SMAD2: variants seen among roughly 807,000 people sequenced by gnomAD.
SMAD2 encodes MAD homolog 2.
In SMAD2, 8 loss-of-function variants were observed where a neutral mutation model predicts 64.4. The ratio of observed to expected loss-of-function variants is 0.12; its 90% CI spans 0.07 to 0.22. The LOEUF (loss-of-function observed/expected upper bound fraction) is 0.22. Among genes scored for constraint, SMAD2 ranks in the 10% least tolerant of loss-of-function variants. The probability of loss-of-function intolerance (pLI) is 1.00; values close to 1 mark genes in which losing one functional copy is unlikely to be tolerated. For missense variants in SMAD2, 289 were observed against 561.2 expected, an observed-to-expected ratio of 0.51 and a Z score of 4.90; for synonymous variants, 203 against 195.8, an observed-to-expected ratio of 1.04 and a Z score of -0.31.
intron 6 of SMAD2, among the ~76,000 whole-genome samples, chr18:47,856,135 T>C (rs2030656443): frequency 9.2e-6 from 1 of 109,268 alleles, no homozygotes; most frequent in African/African-American, 3.2e-5. Context: ...TAATCTCATA[T>C]GTGGGGTTTT....
intron 1 of SMAD2, among the ~76,000 whole-genome samples, chr18:47,924,796 T>G (rs972451029): frequency 3.3e-5 from 5 of 152,204 alleles, no homozygotes; most frequent in African/African-American, 7.2e-5. Flanking sequence ...AAAGACGTGA[T>G]GAGGATGGAA....
At chr18:47,867,797 C>G (rs2031672393) in intron 5 of SMAD2, among the ~76,000 whole-genome samples, 1 of 152,048 alleles carries the variant, frequency 6.6e-6, no homozygotes, top group Admixed American at 6.6e-5. Flanking sequence ...TACTGAGATG[C>G]AGACGAAACA....
At chr18:47,904,300 C>T (rs1354509979) in intron 1 of SMAD2, among the ~76,000 whole-genome samples, 1 of 150,426 alleles carries the variant, frequency 6.6e-6, no homozygotes, top group Non-Finnish European at 1.5e-5. Flanking sequence ...GTCTACCAAA[C>T]CCAAGGGCAA....
chr18:47,879,201 T>C (rs1466875088), intron 2 of SMAD2, among the ~76,000 whole-genome samples: 1 of 152,216 alleles, frequency 6.6e-6, no homozygotes, highest in African/African-American at 2.4e-5. Context: ...CTGTTCTTTT[T>C]TTCTTTAGGT....
chr18:47,930,318 A>C (rs1191784441), intron 1 of SMAD2, 43 bp downstream of exon 1: 1 of 152,250 alleles, frequency 6.6e-6, no homozygotes, highest in Non-Finnish European at 1.5e-5. Context: ...GGACGCACGC[A>C]AACACTTCCC....
Position 47,826,373 on chromosome 18 carries a change from A to G in SMAD2, c.*15454T>C, listed in dbSNP as rs1335576091. ...CTCCTATGTTCTCTCCCTTGGTCTA[A>G]TAACTCTGTAGTGCCTTTCCACACT... On this transcript the variant is annotated 3_prime_UTR_variant, in exon 11 of 11. Coordinates refer to ENST00000262160, the MANE Select transcript of SMAD2 (RefSeq NM_005901.6). 6.6e-6 allele frequency: 1 copy of G among 152,260 alleles called. No individual in the cohort carries two copies. The highest frequency in any genetic ancestry group is 6.5e-5 in the Admixed American group (1 of 15,284). 9.4% of individuals were successfully genotyped at this position (152,260 alleles called of 1,614,324 possible).
At chr18:47,892,276 C>T (rs949294603) in intron 2 of SMAD2, among the ~76,000 whole-genome samples, 4 of 151,556 alleles carry the variant, frequency 2.6e-5, no homozygotes, top group East Asian at 1.9e-4. Flanking sequence ...CTGGGCTCAC[C>T]GCAACCTGTG....
At chr18:47,846,400 A>G (rs1382522511) in intron 8 of SMAD2, among the ~76,000 whole-genome samples, 2 of 152,188 alleles carry the variant, frequency 1.3e-5, no homozygotes, top group Admixed American at 1.3e-4. Flanking sequence ...TGTGAGAAGC[A>G]GAGTTCTAAC....
chr18:47,850,935 ATG>A (rs1273128254), intron 7 of SMAD2, among the ~76,000 whole-genome samples: 4 of 131,550 alleles, frequency 3.0e-5, no homozygotes, highest in Non-Finnish European at 4.7e-5. Context: ...ATGTGTATAT[ATG>A]TAATACACAT....
intron 10 of SMAD2, among the ~76,000 whole-genome samples, chr18:47,843,000 C>T (rs538007200): frequency 6.6e-6 from 1 of 152,180 alleles, no homozygotes; most frequent in Non-Finnish European, 1.5e-5. Context: ...TCTTCATCTC[C>T]AAGCAACACA....
Position 47,845,494 on chromosome 18 carries a change from A to G in SMAD2, c.1136-10T>C, listed in dbSNP as rs968174811. 1.9e-5 allele frequency: 30 copies of G among 1,612,134 alleles called. No individual in the cohort carries two copies. The highest frequency in any genetic ancestry group is 2.7e-5 in the African/African-American group (2 of 74,906). On this transcript the variant is annotated splice_polypyrimidine_tract_variant and intron_variant, in intron 9 of 10. Transcript: ENST00000262160. The stretch of plus-strand genomic sequence containing the variant: ...ATCTTCAGATTACAGCCTATGATTA[A>G]AAAAGGTAAAAGAAATTGTCAAAAG...
In SMAD2 at chr18:47,896,592, T is replaced by C. The variant is rs1182144811; in HGVS notation, c.165A>G (p.Thr55=). 2 of 1,614,108 alleles carry C rather than the reference T, an allele frequency of 1.2e-6. No individual in the cohort carries two copies. Among genetic ancestry groups the C allele is most frequent in the Non-Finnish European group, 1.7e-6 (2 of 1,180,042 alleles). ...VKSLVKKLKK[T]GRLDELEKAI... ...CTTTCTCAAGCTCATCTAATCGTCC[T>C]GTTTTCTTTAGCTTCTTCACCAGAC... Residue 55 remains threonine, a synonymous_variant, in exon 2 of 11, where the codon ACA becomes ACG. Coordinates refer to ENST00000262160, the MANE Select transcript of SMAD2 (RefSeq NM_005901.6).
At chr18:47,883,257 C>T (rs1021532708) in intron 2 of SMAD2, among the ~76,000 whole-genome samples, 8 of 152,046 alleles carry the variant, frequency 5.3e-5, no homozygotes, top group African/African-American at 1.9e-4. Context: ...TCATTTTTCC[C>T]CTGAATAACC....
intron 6 of SMAD2, among the ~76,000 whole-genome samples, chr18:47,861,973 A>G (rs900569360): frequency 6.6e-6 from 1 of 152,220 alleles, no homozygotes; most frequent in African/African-American, 2.4e-5. Flanking sequence ...CATATGTAAG[A>G]GGAACATTTC....
intron 1 of SMAD2, among the ~76,000 whole-genome samples, chr18:47,929,215 T>C (rs1357565851): frequency 6.6e-6 from 1 of 152,244 alleles, no homozygotes; most frequent in African/African-American, 2.4e-5. Context: ...CATTTAACTA[T>C]TTGACTAACT....
At chr18:47,911,499 C>T (rs1568109132) in intron 1 of SMAD2, among the ~76,000 whole-genome samples, 1 of 152,142 alleles carries the variant, frequency 6.6e-6, no homozygotes, top group Non-Finnish European at 1.5e-5. Flanking sequence ...CACAGCATGC[C>T]AAATTTCATA....
chr18:47,843,815 G>A (rs918796742), intron 10 of SMAD2, among the ~76,000 whole-genome samples: 1 of 152,164 alleles, frequency 6.6e-6, no homozygotes, highest in African/African-American at 2.4e-5. Flanking sequence ...AAGAACAGCA[G>A]AGTCCACAGT....
At position 47,870,439 on chromosome 18, in the gene SMAD2, A is replaced by G. The variant is rs772308549; in HGVS notation, c.326+36T>C. 2.4e-5 allele frequency: 36 copies of G among 1,480,778 alleles called. No homozygotes were observed. The African/African-American group carries it at 4.7e-4, about 19-fold the overall frequency. 91.7% of individuals were successfully genotyped at this position (1,480,778 alleles called of 1,614,324 possible). A position where few individuals can be genotyped will look rare whatever the true frequency, so the allele number is the denominator to read the frequency against. On this transcript the variant is annotated intron_variant, in intron 3 of 10. Coordinates refer to ENST00000262160, the MANE Select transcript of SMAD2 (RefSeq NM_005901.6). The stretch of plus-strand genomic sequence containing the variant: ...TTTCAAAATATACCCCCCTCCCACA[A>G]GATCTCTAAGATTCGACAGAGGGCA...
chr18:47,867,547 C>T (rs2031651065), intron 5 of SMAD2, among the ~76,000 whole-genome samples: 1 of 151,354 alleles, frequency 6.6e-6, no homozygotes, highest in Admixed American at 6.6e-5. Context: ...GAAATCGAGA[C>T]ACTACAGCTT....
Sources: gnomAD v4.1 joint callset for allele counts (sites outside exome capture counted in the v4.1 genomes callset) on GRCh38, gnomAD v4.1.1 for gene constraint, MANE v1.5 for transcripts, NCBI Gene and HGNC (gene_info 2026-07-23, HGNC 2026-07-21) for gene names.